CASP4: variants seen among roughly 807,000 people sequenced by gnomAD.
CASP4 encodes the protein caspase-4.
A neutral mutation model predicts 41.3 loss-of-function variants in CASP4; 29 were observed. The ratio of observed to expected loss-of-function variants is 0.70; its 90% CI spans 0.52 to 0.96. CASP4 has a LOEUF of 0.96. Among genes scored for constraint, CASP4 ranks in the 40% least tolerant of loss-of-function variants. CASP4 has a pLI of 0.00. For missense variants in CASP4, 447 were observed against 460.6 expected, an observed-to-expected ratio of 0.97 and a Z score of 0.27; for synonymous variants, 185 against 158.4, an observed-to-expected ratio of 1.17 and a Z score of -1.26.
intron 8 of CASP4, 72 bp downstream of exon 8, chr11:104,944,676 G>T: frequency 1.0e-6 from 1 of 966,578 alleles, no homozygotes; most frequent in Non-Finnish European, 1.7e-6. Flanking sequence ...GCTGTCATTT[G>T]TCATTGAACT....
intron 4 of CASP4, 89 bp downstream of exon 4, chr11:104,950,835 TA>T (rs1276806347): frequency 5.1e-5 from 45 of 889,100 alleles, no homozygotes; most frequent in Non-Finnish European, 7.1e-5. Flanking sequence ...CAAAGGTTGT[TA>T]AACCTTGTTG....
At chr11:104,967,499 A>G (rs1169635945) in intron 1 of CASP4, among the ~76,000 whole-genome samples, 2 of 152,214 alleles carry the variant, frequency 1.3e-5, no homozygotes, top group African/African-American at 4.8e-5. Flanking sequence ...AGAAAAGGCA[A>G]TAGGGAGCCA....
chr11:104,948,722 A>T, intron 5 of CASP4, 46 bp from the exon 6 acceptor site: 1 of 1,518,860 alleles, frequency 6.6e-7, no homozygotes, highest in Non-Finnish European at 8.9e-7. Flanking sequence ...CTCCCACAGA[A>T]TGGCTGTCAC....
At chr11:104,961,876 G>A (rs999051684) in intron 1 of CASP4, among the ~76,000 whole-genome samples, 30 of 152,108 alleles carry the variant, frequency 2.0e-4, no homozygotes, top group African/African-American at 7.2e-4. Context: ...AGTTCAATAG[G>A]CCTGTCTCAT....
chr11:104,963,240 T>G (rs891746242), intron 1 of CASP4, among the ~76,000 whole-genome samples: 1 of 152,212 alleles, frequency 6.6e-6, no homozygotes, highest in Non-Finnish European at 1.5e-5. Context: ...CTTAGTAAAC[T>G]GAATTATTTT....
At chr11:104,943,469 T>A (rs1465319689) in intron 8 of CASP4, 2 of 155,346 alleles carry the variant, frequency 1.3e-5, no homozygotes, top group Non-Finnish European at 2.8e-5. Context: ...GATTTCATTA[T>A]TTCAAGAAAA....
chr11:104,951,079 C>T lies in CASP4; in HGVS notation c.392G>A (p.Arg131Lys). ...GAGAGCCAGGCGTGTGCGGTTGTTTCTCTCCTTTATTGGATAGATCTGCAG... is the reference window on the plus strand; with the variant it reads ...GAGAGCCAGGCGTGTGCGGTTGTTTTTCTCCTTTATTGGATAGATCTGCAG... ...RAEEIYPIKE[R>K]NNRTRLALII... The change falls in exon 4 of 9, where the codon AGA becomes AAA. Residue 131 changes from arginine to lysine, a missense_variant. By Grantham distance (26) the Arg-to-Lys change is conservative. Transcript: ENST00000444739. 1 of 1,612,946 alleles carries T rather than the reference C, an allele frequency of 6.2e-7. No homozygotes were observed. The highest frequency in any genetic ancestry group is 1.1e-5 in the South Asian group (1 of 91,024).
At chr11:104,947,385 A>G (rs1860491091) in intron 6 of CASP4, 193 bp from the exon 7 acceptor site, 2 of 378,926 alleles carry the variant, frequency 5.3e-6, no homozygotes, top group Non-Finnish European at 4.7e-6. Flanking sequence ...GCAAAAGGTG[A>G]TCAAAAGTTG....
At chr11:104,960,972 A>C (rs1860845633) in intron 1 of CASP4, among the ~76,000 whole-genome samples, 1 of 152,242 alleles carries the variant, frequency 6.6e-6, no homozygotes, top group Non-Finnish European at 1.5e-5. Context: ...CAAATGAATA[A>C]AACTTATGTG....
intron 1 of CASP4, among the ~76,000 whole-genome samples, chr11:104,968,064 T>A (rs530111628): frequency 6.6e-6 from 1 of 151,688 alleles, no homozygotes; most frequent in East Asian, 1.9e-4. Flanking sequence ...GAGGAAAAAA[T>A]TGAATCACTT....
chr11:104,965,832 A>T (rs1860962328), intron 1 of CASP4, among the ~76,000 whole-genome samples: 1 of 152,156 alleles, frequency 6.6e-6, no homozygotes, highest in Non-Finnish European at 1.5e-5. Flanking sequence ...ACTTTATAAA[A>T]TCTAATATCA....
chr11:104,966,168 A>G (rs866434963), intron 1 of CASP4, among the ~76,000 whole-genome samples: 1 of 152,210 alleles, frequency 6.6e-6, no homozygotes, highest in Non-Finnish European at 1.5e-5. Flanking sequence ...GTCTTGATAA[A>G]TTGGCTCTGT....
At chr11:104,947,221 G>T in intron 6 of CASP4, 29 bp from the exon 7 acceptor site, 1 of 1,298,882 alleles carries the variant, frequency 7.7e-7, no homozygotes, top group Non-Finnish European at 1.1e-6. Context: ...GTATGCCTTG[G>T]GCTATGACTT....
chr11:104,958,641 AAAG>A (rs1216599094), intron 1 of CASP4, among the ~76,000 whole-genome samples: 2 of 152,094 alleles, frequency 1.3e-5, no homozygotes, highest in Non-Finnish European at 2.9e-5. Flanking sequence ...ATGTAGAAAA[AAAG>A]AAACTCTTGT....
At chr11:104,966,522 A>C (rs1051036770) in intron 1 of CASP4, among the ~76,000 whole-genome samples, 1 of 152,346 alleles carries the variant, frequency 6.6e-6, no homozygotes, top group Admixed American at 6.5e-5. Flanking sequence ...TCTCAGGTAC[A>C]GCTGTCCAGA....
chr11:104,960,398 A>C (rs1298960350), intron 1 of CASP4, among the ~76,000 whole-genome samples: 5 of 152,162 alleles, frequency 3.3e-5, no homozygotes, highest in Non-Finnish European at 5.9e-5. Context: ...AGGAGACAGC[A>C]TCAGAGATAT....
intron 1 of CASP4, among the ~76,000 whole-genome samples, chr11:104,967,201 C>T (rs866656210): frequency 2.0e-4 from 30 of 152,254 alleles, no homozygotes; most frequent in South Asian, 1.0e-3. Context: ...TATCAAACCA[C>T]GACTTGTTTT....
In CASP4 at chr11:104,949,786, G is replaced by A. The variant is rs765651503; in HGVS notation, c.547-9C>T. On this transcript the variant is annotated splice_polypyrimidine_tract_variant and intron_variant, in intron 4 of 8. Transcript: ENST00000444739. Reference sequence around the variant, plus strand: ...AGCGCTGACTCCATATCCTGTAAAAGAGCAATGTCTAACTTCAGTCAGAGA... The same window carrying A: ...AGCGCTGACTCCATATCCTGTAAAAAAGCAATGTCTAACTTCAGTCAGAGA... 1.9e-6 allele frequency: 3 copies of A among 1,612,714 alleles called. No individual in the cohort carries two copies. The highest frequency in any genetic ancestry group is 3.3e-5 in the Admixed American group (2 of 59,914).
Position 104,951,103 on chromosome 11 carries a change from A to C in CASP4, c.373-5T>G. The stretch of plus-strand genomic sequence containing the variant: ...TCTCTCCTTTATTGGATAGATCTGC[A>C]GGATATGGAGATGCAATAAATTTAA... On this transcript the variant is annotated splice_polypyrimidine_tract_variant and splice_region_variant and intron_variant, in intron 3 of 8. Transcript: ENST00000444739. 2 of 1,608,684 alleles carry C rather than the reference A, an allele frequency of 1.2e-6. No individual in the cohort carries two copies. Among genetic ancestry groups the C allele is most frequent in the South Asian group, 2.2e-5 (2 of 90,458 alleles).
Sources: gnomAD v4.1 joint callset for allele counts (sites outside exome capture counted in the v4.1 genomes callset) on GRCh38, gnomAD v4.1.1 for gene constraint, MANE v1.5 for transcripts, NCBI Gene and HGNC (gene_info 2026-07-23, HGNC 2026-07-21) for gene names.